The following CPT1A variants were observed in gnomAD, a reference collection of about 807,000 sequenced individuals.
The protein encoded by CPT1A is carnitine palmitoyltransferase 1A.
Under a neutral mutation model 100.8 loss-of-function variants are expected in CPT1A, and 64 were observed. The ratio of observed to expected loss-of-function variants is 0.63; its 90% CI spans 0.52 to 0.78. CPT1A has a LOEUF of 0.78. Ranked by LOEUF, CPT1A falls within the 30% of genes least tolerant of loss-of-function variation. The probability of loss-of-function intolerance (pLI) is 0.00; values close to 1 mark genes in which losing one functional copy is unlikely to be tolerated. For missense variants in CPT1A, 802 were observed against 1,034.1 expected, an observed-to-expected ratio of 0.78 and a Z score of 3.08; for synonymous variants, 363 against 396.0, an observed-to-expected ratio of 0.92 and a Z score of 0.99.
chr11:68,811,029 G>A (rs1009970886), intron 3 of CPT1A, among the ~76,000 whole-genome samples: 6 of 152,080 alleles, frequency 3.9e-5, no homozygotes, highest in Admixed American at 1.3e-4. Flanking sequence ...GTGAGTTTTC[G>A]TTTACGTCTC....
chr11:68,781,994 CG>C, intron 10 of CPT1A, 35 bp from the exon 11 acceptor site: 1 of 1,568,116 alleles, frequency 6.4e-7, no homozygotes, highest in Non-Finnish European at 8.8e-7. Flanking sequence ...AAAGGCAGCC[CG>C]ACCTGCAGCG....
chr11:68,804,125 C>T, intron 4 of CPT1A, 24 bp from the exon 5 acceptor site: 1 of 1,568,228 alleles, frequency 6.4e-7, no homozygotes, highest in Non-Finnish European at 8.8e-7. Context: ...ATTATATTTT[C>T]AGACTACTGC....
chr11:68,806,964 A>T (rs1856063932), intron 4 of CPT1A, among the ~76,000 whole-genome samples: 1 of 152,124 alleles, frequency 6.6e-6, no homozygotes, highest in African/African-American at 2.4e-5. Context: ...ATAAATATAA[A>T]TAAAAAAGAA....
chr11:68,792,208 A>G (rs1840272), intron 9 of CPT1A, among the ~76,000 whole-genome samples: 145,026 of 152,106 alleles, frequency 0.95, 69,250 homozygotes, highest in Non-Finnish European at 0.99. Context: ...GTGGTGGCAG[A>G]CACCTATAGT....
At chr11:68,838,203 A>G (rs1311361727) in intron 1 of CPT1A, among the ~76,000 whole-genome samples, 1 of 152,072 alleles carries the variant, frequency 6.6e-6, no homozygotes, top group Non-Finnish European at 1.5e-5. Context: ...CGCCTCACTC[A>G]GCAGCATGAT....
intron 5 of CPT1A, among the ~76,000 whole-genome samples, chr11:68,800,668 A>C (rs1344009872): frequency 1.3e-5 from 2 of 152,018 alleles, no homozygotes. Flanking sequence ...CCCCAGCAAC[A>C]AAAAGTAAAA....
chr11:68,774,055 C>T (rs1268271582), intron 13 of CPT1A, among the ~76,000 whole-genome samples: 2 of 152,212 alleles, frequency 1.3e-5, no homozygotes, highest in Non-Finnish European at 2.9e-5. Context: ...GGAGAAGTAA[C>T]ACAAGACCCT....
chr11:68,784,827 G>A lies in CPT1A; in HGVS notation c.1151C>T (p.Thr384Ile). ...CTAGGCTGCGCACCTGTCTCCTGCG[G>A]TGAGGGCTGCCAGCCTGGCCTCCCC... is the stretch of plus-strand genomic sequence containing the variant. ...QPGEARLAALTAGDRVPWARC... is the reference protein window; with the variant it reads ...QPGEARLAALIAGDRVPWARC... The change falls in exon 10 of 19, where the codon ACC (threonine) becomes ATC (isoleucine). Residue 384 changes from threonine (T) to isoleucine (I), a missense_variant. Coordinates refer to ENST00000265641, the MANE Select transcript of CPT1A (RefSeq NM_001876.4). 1 of 1,610,258 alleles carries A rather than the reference G, an allele frequency of 6.2e-7. No homozygotes were observed. Among genetic ancestry groups the A allele is most frequent in the Non-Finnish European group, 8.5e-7 (1 of 1,179,974 alleles).
At chr11:68,833,356 C>T (rs995544819) in intron 1 of CPT1A, among the ~76,000 whole-genome samples, 55 of 152,254 alleles carry the variant, frequency 3.6e-4, no homozygotes, top group African/African-American at 1.2e-3. Flanking sequence ...TGGGTGTGCG[C>T]TCTCTGCACT....
intron 9 of CPT1A, among the ~76,000 whole-genome samples, chr11:68,787,195 G>C (rs1288023104): frequency 2.6e-5 from 4 of 152,124 alleles, no homozygotes; most frequent in Admixed American, 6.6e-5. Flanking sequence ...CCAGCACTTT[G>C]GGAGGCCGAG....
At chr11:68,783,268 A>T (rs1855364067) in intron 10 of CPT1A, among the ~76,000 whole-genome samples, 1 of 150,578 alleles carries the variant, frequency 6.6e-6, no homozygotes, top group South Asian at 2.1e-4. Context: ...TAACCTACTC[A>T]TGCACCCCCG....
At chr11:68,775,468 G>C in intron 12 of CPT1A, 36 bp from the exon 13 acceptor site, 1 of 1,482,092 alleles carries the variant, frequency 6.7e-7, no homozygotes, top group Non-Finnish European at 9.4e-7. Flanking sequence ...AAAACTAACA[G>C]TGGTACATAA....
At chr11:68,797,902 T>G (rs1035551490) in intron 6 of CPT1A, among the ~76,000 whole-genome samples, 1 of 152,112 alleles carries the variant, frequency 6.6e-6, no homozygotes, top group African/African-American at 2.4e-5. Context: ...TGCTTGAACC[T>G]GGGAGGCAGA....
At chr11:68,796,976 G>A (rs1410331114) in intron 6 of CPT1A, 43 bp from the exon 7 acceptor site, 7 of 1,597,070 alleles carry the variant, frequency 4.4e-6, no homozygotes, top group South Asian at 1.1e-5. Context: ...GCTCAGCAGG[G>A]GCCAGGCAGG....
rs1237293148 is a variant in CPT1A, at chr11:68,841,861, G to A, written c.-100C>T. The A allele has an allele frequency of 1.0e-6, 1 of 992,764 alleles. No homozygotes were observed. Among genetic ancestry groups the A allele is most frequent in the South Asian group, 4.5e-5 (1 of 22,298 alleles). 61.5% of individuals were successfully genotyped at this position (992,764 alleles called of 1,614,324 possible). ...AGTGAACGAGCGGCGAGCGGGAGCCGGGGAAGGAGGGCCGCGGGCGAGGCC... is the reference window on the plus strand; with the variant it reads ...AGTGAACGAGCGGCGAGCGGGAGCCAGGGAAGGAGGGCCGCGGGCGAGGCC... On this transcript the variant is annotated 5_prime_UTR_variant, in exon 1 of 19. Coordinates refer to ENST00000265641, the MANE Select transcript of CPT1A (RefSeq NM_001876.4). The surrounding 1 kb of genome is among the most constrained non-coding windows in gnomAD (Gnocchi z 6.3).
intron 13 of CPT1A, chr11:68,774,029 A>T (rs1427962020): frequency 6.2e-6 from 1 of 161,148 alleles, no homozygotes; most frequent in African/African-American, 2.4e-5. Context: ...GACAGCCCAC[A>T]ACAAGGGAGG....
intron 6 of CPT1A, among the ~76,000 whole-genome samples, chr11:68,797,410 C>T (rs1855782871): frequency 6.6e-6 from 1 of 152,204 alleles, no homozygotes. Flanking sequence ...GTGGCTCACA[C>T]CTGTAATCTC....
At position 68,793,296 on chromosome 11, in the gene CPT1A, C is replaced by A; in HGVS notation, c.967+19G>T. ...GAAAGTGCCGATTCTCCAGGGGGCC[C>A]TGAAGAAGCTTGACTCACCTGTCTC... On this transcript the variant is annotated intron_variant, in intron 9 of 18. Transcript: ENST00000265641. 6.3e-7 allele frequency: 1 copy of A among 1,592,984 alleles called. No individual in the cohort carries two copies. The highest frequency in any genetic ancestry group is 8.6e-7 in the Non-Finnish European group (1 of 1,164,506).
chr11:68,788,630 T>TAAAAAAAAAAAAAAAAAAA, intron 9 of CPT1A, among the ~76,000 whole-genome samples: 1 of 27,548 alleles, frequency 3.6e-5, no homozygotes, highest in Non-Finnish European at 6.2e-5. Context: ...CAAACAAAAG[T>TAAAAAAAAAAAAAAAAAAA]AAAAAAAAAA....
Sources: allele counts gnomAD v4.1 joint callset (sites outside exome capture counted in the v4.1 genomes callset), GRCh38; gene constraint gnomAD v4.1.1; non-coding constraint Gnocchi (gnomAD v3.1); transcripts MANE v1.5; gene names NCBI Gene and HGNC (gene_info 2026-07-23, HGNC 2026-07-21).